Variants in GRIK1 observed in about 807,000 individuals in gnomAD.
GRIK1 encodes glutamate ionotropic receptor kainate type subunit 1, also known as glutamate receptor ionotropic, kainate 1.
GRIK1 carries 69 observed loss-of-function variants against 105.7 expected under a neutral mutation model. That is an observed-to-expected ratio of 0.65 (90% CI 0.54 to 0.80). GRIK1 has a LOEUF of 0.80. GRIK1 is among the 30% of genes least tolerant of loss of function. GRIK1 has a pLI of 0.00. For synonymous variants in GRIK1, 438 were observed against 431.3 expected, an observed-to-expected ratio of 1.02 and a Z score of -0.19; for missense variants, 1,109 against 1,167.3, an observed-to-expected ratio of 0.95 and a Z score of 0.73.
chr21:29,894,815 G>T (rs2146235603), intron 1 of GRIK1, among the ~76,000 whole-genome samples: 1 of 152,268 alleles, frequency 6.6e-6, no homozygotes, highest in Non-Finnish European at 1.5e-5. Context: ...ATCCACTTCT[G>T]TTTGAGTATA....
intron 1 of GRIK1, among the ~76,000 whole-genome samples, chr21:29,793,918 C>T (rs1384233354): frequency 1.3e-5 from 2 of 152,054 alleles, no homozygotes; most frequent in Non-Finnish European, 2.9e-5. Context: ...ACTTTGCCCT[C>T]GTGGAAGACA....
chr21:29,669,796 T>C (rs994949685), intron 4 of GRIK1, among the ~76,000 whole-genome samples: 2 of 152,094 alleles, frequency 1.3e-5, no homozygotes, highest in Non-Finnish European at 2.9e-5. Context: ...TTCCTTTCCT[T>C]GGGTAGAAGG....
chr21:29,763,700 T>A (rs2065586259), intron 1 of GRIK1: 1 of 152,136 alleles, frequency 6.6e-6, no homozygotes, highest in Non-Finnish European at 1.5e-5. Context: ...AAGGCAAGAA[T>A]AAGGAAACTG....
At chr21:29,753,384 C>T (rs1478280126) in intron 1 of GRIK1, among the ~76,000 whole-genome samples, 1 of 152,120 alleles carries the variant, frequency 6.6e-6, no homozygotes, top group Non-Finnish European at 1.5e-5. Flanking sequence ...TCCTTGGCTG[C>T]CTGTCAAGAA....
chr21:29,679,042 T>C (rs2063325112), intron 3 of GRIK1, among the ~76,000 whole-genome samples: 1 of 152,200 alleles, frequency 6.6e-6, no homozygotes, highest in Non-Finnish European at 1.5e-5. Context: ...AGAGCAGATA[T>C]TTCACTTACT....
At chr21:29,607,629 A>G (rs1260980006) in intron 7 of GRIK1, among the ~76,000 whole-genome samples, 1 of 152,152 alleles carries the variant, frequency 6.6e-6, no homozygotes, top group Non-Finnish European at 1.5e-5. Flanking sequence ...TGCATATTTG[A>G]CCACATTTAA....
intron 1 of GRIK1, among the ~76,000 whole-genome samples, chr21:29,742,753 C>T (rs887149170): frequency 2.0e-5 from 3 of 152,162 alleles, no homozygotes; most frequent in African/African-American, 7.2e-5. Context: ...TCATGTTTTG[C>T]ACATTTGGAG....
At chr21:29,912,670 T>A (rs2070859531) in intron 1 of GRIK1, among the ~76,000 whole-genome samples, 1 of 151,516 alleles carries the variant, frequency 6.6e-6, no homozygotes, top group Non-Finnish European at 1.5e-5. Context: ...TAAAAAATAT[T>A]TATCCAGAAT....
Position 29,637,863 on chromosome 21 carries a change from A to G in GRIK1, c.1098+4963T>C, listed in dbSNP as rs149021566. ...TCTTGAACAATCATGTGTGTGGTCT[A>G]TGATTGAAAGTCCTCATTTCCTGGC... On this transcript the variant is annotated intron_variant, in intron 7 of 17. Transcript: ENST00000327783. Among the ~76,000 whole-genome samples the G allele has an allele frequency of 3.3e-5, 5 of 152,342 alleles. No individual in the cohort carries two copies. In the East Asian group the frequency reaches 9.7e-4, roughly 29 times the overall value.
At chr21:29,537,753 C>T (rs754075569) in intron 17 of GRIK1, 45 bp downstream of exon 17, 1 of 895,124 alleles carries the variant, frequency 1.1e-6, no homozygotes, top group East Asian at 2.4e-5. Flanking sequence ...ATAGGATTAT[C>T]AAGGCATACG....
intron 1 of GRIK1, among the ~76,000 whole-genome samples, chr21:29,898,406 C>T (rs560260818): frequency 6.6e-6 from 1 of 152,150 alleles, no homozygotes; most frequent in Non-Finnish European, 1.5e-5. Flanking sequence ...GCAAAAGGTT[C>T]TATGGGCACA....
chr21:29,918,985 G>T (rs2071098501), intron 1 of GRIK1, among the ~76,000 whole-genome samples: 1 of 151,836 alleles, frequency 6.6e-6, no homozygotes, highest in African/African-American at 2.4e-5. Flanking sequence ...GGATATAACT[G>T]AGAGTTAGCA....
At chr21:29,679,430 G>T (rs1453347525) in intron 3 of GRIK1, among the ~76,000 whole-genome samples, 1 of 152,074 alleles carries the variant, frequency 6.6e-6, no homozygotes, top group Non-Finnish European at 1.5e-5. Context: ...TCATTTCCTT[G>T]ATGTACTCAT....
intron 1 of GRIK1, among the ~76,000 whole-genome samples, chr21:29,863,973 A>G (rs1302847551): frequency 6.6e-6 from 1 of 152,044 alleles, no homozygotes; most frequent in African/African-American, 2.4e-5. Flanking sequence ...TCCTGTTCCA[A>G]TAGGAATTCG....
intron 1 of GRIK1, among the ~76,000 whole-genome samples, chr21:29,756,157 G>C (rs1424876364): frequency 6.6e-6 from 1 of 152,144 alleles, no homozygotes; most frequent in East Asian, 1.9e-4. Flanking sequence ...CGAGGCGGGC[G>C]GATCACAAAG....
chr21:29,683,022 A>T (rs372431120), intron 3 of GRIK1, among the ~76,000 whole-genome samples: 1 of 152,252 alleles, frequency 6.6e-6, no homozygotes, highest in Non-Finnish European at 1.5e-5. Context: ...GCCAACGAGC[A>T]TATGAAAAAA....
intron 7 of GRIK1, 31 bp downstream of exon 7, chr21:29,642,795 G>T: frequency 6.2e-7 from 1 of 1,608,684 alleles, no homozygotes; most frequent in Non-Finnish European, 8.5e-7. Context: ...TGCTCAGAAG[G>T]GCCCCTGGGC....
intron 9 of GRIK1, among the ~76,000 whole-genome samples, chr21:29,593,492 G>A (rs192281021): frequency 6.6e-6 from 1 of 152,024 alleles, no homozygotes; most frequent in Admixed American, 6.6e-5. Context: ...ATGTAACTCT[G>A]GCTAAATATA....
chr21:29,602,943 G>A (rs535967161), intron 7 of GRIK1, among the ~76,000 whole-genome samples: 11 of 152,170 alleles, frequency 7.2e-5, no homozygotes, highest in African/African-American at 2.4e-4. Context: ...GCAGTGTGTT[G>A]GTTAGTGGGT....
Sources: allele counts gnomAD v4.1 joint callset (sites outside exome capture counted in the v4.1 genomes callset), GRCh38; gene constraint gnomAD v4.1.1; transcripts MANE v1.5; gene names NCBI Gene and HGNC (gene_info 2026-07-23, HGNC 2026-07-21).